CCSER2: variants seen among roughly 807,000 people sequenced by gnomAD.
CCSER2 encodes the protein coiled-coil serine rich protein 2.
Under a neutral mutation model 92.3 loss-of-function variants are expected in CCSER2, and 46 were observed. That is an observed-to-expected ratio of 0.50 (90% CI 0.39 to 0.64). The LOEUF is 0.64. Ranked by LOEUF, CCSER2 falls within the 30% of genes least tolerant of loss-of-function variation. The probability of loss-of-function intolerance (pLI) is 0.00; values close to 1 mark genes in which losing one functional copy is unlikely to be tolerated. For missense variants in CCSER2, 1,244 were observed against 1,238.9 expected (o/e 1.00, Z -0.06); for synonymous variants, 433 against 431.4 (o/e 1.00, Z -0.04).
intron 1 of CCSER2, among the ~76,000 whole-genome samples, chr10:84,368,337 TTAAA>T (rs1157402321): frequency 2.0e-5 from 3 of 152,166 alleles, no homozygotes; most frequent in Admixed American, 2.0e-4. Flanking sequence ...AGTTCTTAGT[TTAAA>T]TAGTTTTTTG....
intron 1 of CCSER2, among the ~76,000 whole-genome samples, chr10:84,339,077 C>T (rs1389391977): frequency 1.3e-5 from 2 of 151,838 alleles, no homozygotes; most frequent in African/African-American, 4.8e-5. Context: ...CTGTGGCTCC[C>T]TATTCTCTAC....
At chr10:84,421,198 A>G (rs1589615629) in intron 4 of CCSER2, among the ~76,000 whole-genome samples, 1 of 152,232 alleles carries the variant, frequency 6.6e-6, no homozygotes, top group South Asian at 2.1e-4. Context: ...ATGTAGTAGC[A>G]AAAATAAGGA....
intron 6 of CCSER2, 113 bp from the exon 7 acceptor site, chr10:84,463,820 T>G: frequency 1.5e-6 from 1 of 651,620 alleles, no homozygotes; most frequent in Admixed American, 2.7e-5. Context: ...TTCTTCACCA[T>G]GCTAGCATTT....
rs1316795481 is a variant in CCSER2 at position 84,372,007 on chromosome 10, C to T, written c.955C>T (p.His319Tyr). ...VTSTLGYRMVHPSLLKSSRSP... is the reference protein window; with the variant it reads ...VTSTLGYRMVYPSLLKSSRSP... Reference sequence around the variant, plus strand: ...TTCTACTTTAGGTTATAGAATGGTTCATCCCTCTCTACTGAAATCTAGCCG... The same window carrying T: ...TTCTACTTTAGGTTATAGAATGGTTTATCCCTCTCTACTGAAATCTAGCCG... The change falls in exon 2 of 10, where the codon CAT (histidine) becomes TAT (tyrosine). Residue 319 changes from histidine (H) to tyrosine (Y), a missense_variant. Physicochemically the swap from His to Tyr is moderately conservative, Grantham distance 83 (BLOSUM62 2). Transcript: ENST00000372088. 1 of 1,613,694 alleles carries T rather than the reference C, an allele frequency of 6.2e-7. No individual in the cohort carries two copies.
rs369294950 is a variant in CCSER2 at position 84,425,906 on chromosome 10, C to T, written c.1868+13C>T. The T allele has an allele frequency of 2.0e-6, 3 of 1,493,318 alleles. No individual in the cohort carries two copies. The African/African-American group carries it at 4.2e-5, about 21-fold the overall frequency. The allele number at this position is 1,493,318 out of a possible 1,614,324, so 92.5% of individuals were successfully genotyped here. ...GTGACTTGAGCAGGTAAGTACTGTT[C>T]TGACTTAGATTTCATTTGCTGTCCT... On this transcript the variant is annotated intron_variant, in intron 5 of 9. Transcript: ENST00000372088.
At chr10:84,435,049 G>A (rs1844023461) in intron 5 of CCSER2, among the ~76,000 whole-genome samples, 1 of 152,144 alleles carries the variant, frequency 6.6e-6, no homozygotes, top group Non-Finnish European at 1.5e-5. Context: ...AAGGGCTTCT[G>A]AAGAAAGTAG....
intron 7 of CCSER2, among the ~76,000 whole-genome samples, chr10:84,465,239 T>TTGTGTGTG (rs59254139): frequency 1.4e-4 from 15 of 106,872 alleles, no homozygotes; most frequent in Non-Finnish European, 1.5e-4. Flanking sequence ...TTTCCTGAAT[T>TTGTGTGTG]TGTGTGTGTG....
chr10:84,502,042 G>A (rs541321470), intron 9 of CCSER2, among the ~76,000 whole-genome samples: 36 of 148,772 alleles, frequency 2.4e-4, no homozygotes, highest in African/African-American at 7.8e-4. Flanking sequence ...CCTTTAGAGG[G>A]GAAATATGCT....
At chr10:84,469,616 A>G (rs1197970573) in intron 7 of CCSER2, among the ~76,000 whole-genome samples, 2 of 152,114 alleles carry the variant, frequency 1.3e-5, no homozygotes, top group East Asian at 1.9e-4. Context: ...TTCCTTGCTT[A>G]TATTACCTTC....
chr10:84,457,337 ATATAT>A (rs1845767958), intron 6 of CCSER2, among the ~76,000 whole-genome samples: 1 of 41,526 alleles, frequency 2.4e-5, no homozygotes, highest in African/African-American at 6.2e-5. Flanking sequence ...ATAATATATT[ATATAT>A]TATATATAAT....
Position 84,425,812 on chromosome 10 carries a change from C to A in CCSER2, c.1787C>A (p.Pro596His). Residue 596 changes from proline (P) to histidine (H), a missense_variant, in exon 5 of 10, where the codon CCC (proline) becomes CAC (histidine). Pro to His is a moderately conservative substitution (Grantham distance 77). Coordinates refer to ENST00000372088, the MANE Select transcript of CCSER2 (RefSeq NM_001284240.2). ...CAGGAAGGTTTTTGGAAAAGGCCAC[C>A]CCAGAGGTGGAGTGGACAGGAGCAT... ...QPQEGFWKRP[P>H]QRWSGQEHYH... 1 of 1,613,152 alleles carries A rather than the reference C, an allele frequency of 6.2e-7. No homozygotes were observed. The highest frequency in any genetic ancestry group is 8.5e-7 in the Non-Finnish European group (1 of 1,179,350).
chr10:84,374,728 A>T (rs1437612144), intron 3 of CCSER2, among the ~76,000 whole-genome samples: 1 of 152,242 alleles, frequency 6.6e-6, no homozygotes, highest in African/African-American at 2.4e-5. Flanking sequence ...AATATGCCAT[A>T]TGGGTAAAGT....
intron 1 of CCSER2, among the ~76,000 whole-genome samples, chr10:84,347,609 C>G (rs1844588541): frequency 6.6e-6 from 1 of 151,806 alleles, no homozygotes; most frequent in South Asian, 2.1e-4. Flanking sequence ...TGACCCTCAC[C>G]TCCCTCCCGG....
At chr10:84,347,921 T>G (rs1482421963) in intron 1 of CCSER2, among the ~76,000 whole-genome samples, 1 of 150,642 alleles carries the variant, frequency 6.6e-6, no homozygotes, top group Non-Finnish European at 1.5e-5. Flanking sequence ...CGCTCCTCAC[T>G]TCCTAGGTGG....
At chr10:84,346,125 C>T (rs578156626) in intron 1 of CCSER2, among the ~76,000 whole-genome samples, 14 of 152,270 alleles carry the variant, frequency 9.2e-5, no homozygotes, top group African/African-American at 2.6e-4. Context: ...AGTGCAGTGG[C>T]GCAATCTCGG....
At chr10:84,348,439 G>T (rs541350152) in intron 1 of CCSER2, among the ~76,000 whole-genome samples, 107 of 152,094 alleles carry the variant, frequency 7.0e-4, no homozygotes, top group African/African-American at 2.4e-3. Flanking sequence ...GAGGGAGACC[G>T]TGGAAAGAGA....
chr10:84,396,168 T>A (rs1024164462), intron 3 of CCSER2, among the ~76,000 whole-genome samples: 19 of 143,656 alleles, frequency 1.3e-4, no homozygotes, highest in Admixed American at 1.3e-3. Flanking sequence ...ACAATATATT[T>A]TCTTAGTTAT....
At chr10:84,478,310 C>A (rs1249338625) in intron 9 of CCSER2, among the ~76,000 whole-genome samples, 1 of 152,064 alleles carries the variant, frequency 6.6e-6, no homozygotes, top group African/African-American at 2.4e-5. Context: ...GTGTGTGAGC[C>A]AGAGAATTAT....
At chr10:84,481,031 C>T (rs978208430) in intron 9 of CCSER2, among the ~76,000 whole-genome samples, 1 of 152,050 alleles carries the variant, frequency 6.6e-6, no homozygotes, top group African/African-American at 2.4e-5. Flanking sequence ...TTTATACAGG[C>T]TTATACTACC....
Sources: gnomAD v4.1 joint callset for allele counts (sites outside exome capture counted in the v4.1 genomes callset) on GRCh38, gnomAD v4.1.1 for gene constraint, MANE v1.5 for transcripts, NCBI Gene and HGNC (gene_info 2026-07-23, HGNC 2026-07-21) for gene names.